KRT27: variants seen among roughly 807,000 people sequenced by gnomAD.
KRT27 encodes keratin, type I cytoskeletal 27.
In KRT27, 30 loss-of-function variants were observed where a neutral mutation model predicts 45.3. That is an observed-to-expected ratio of 0.66 (90% CI 0.50 to 0.90). The LOEUF (loss-of-function observed/expected upper bound fraction) is 0.90. Among genes scored for constraint, KRT27 ranks in the 40% least tolerant of loss-of-function variants. The probability of loss-of-function intolerance (pLI) is 0.00; values close to 1 mark genes in which losing one functional copy is unlikely to be tolerated. For synonymous variants in KRT27, 204 were observed against 223.9 expected (o/e 0.91, Z 0.79); for missense variants, 610 against 564.3 (o/e 1.08, Z -0.82).
At chr17:40,782,024 A>G in intron 1 of KRT27, 26 bp downstream of exon 1, 1 of 1,586,576 alleles carries the variant, frequency 6.3e-7, no homozygotes, top group East Asian at 2.2e-5. Context: ...CAGGAGTGCT[A>G]ACACTCACGC....
At position 40,782,100 on chromosome 17, in the gene KRT27, C is replaced by T. The variant is rs747090983; in HGVS notation, c.394G>A (p.Asp132Asn). 1.2e-6 allele frequency: 2 copies of T among 1,613,920 alleles called. No homozygotes were observed. Among genetic ancestry groups the T allele is most frequent in the South Asian group, 2.2e-5 (2 of 91,076 alleles). ...KFGPGSCRGL[D>N]HDYSRYFPII... is the part of the protein sequence containing the mutation. ...GGGAAATATCTGCTGTAATCATGAT[C>T]AAGGCCACGGCAAGAACCAGGTCCA... is the stretch of plus-strand genomic sequence containing the variant. The change falls in exon 1 of 8, where the codon GAT becomes AAT. Residue 132 changes from aspartate to asparagine, a missense_variant. Coordinates refer to ENST00000301656, the MANE Select transcript of KRT27 (RefSeq NM_181537.4).
In KRT27 at chr17:40,782,280, A is replaced by G; in HGVS notation, c.214T>C (p.Phe72Leu). 2.5e-6 allele frequency: 4 copies of G among 1,614,172 alleles called. No homozygotes were observed. Among genetic ancestry groups the G allele is most frequent in the Non-Finnish European group, 3.4e-6 (4 of 1,180,006 alleles). Reference protein sequence around the residue: ...LGGGSASCAAFTGNEHGLLSG... With the variant: ...LGGGSASCAALTGNEHGLLSG... The stretch of plus-strand genomic sequence containing the variant: ...AGGAGGCCGTGCTCATTCCCTGTGA[A>G]GGCAGCACAGGAAGCACTTCCCCCG... The change falls in exon 1 of 8, where the codon TTC (phenylalanine) becomes CTC (leucine). Residue 72 changes from phenylalanine (F) to leucine (L), a missense_variant. Transcript: ENST00000301656.
At position 40,780,441 on chromosome 17, in the gene KRT27, T is replaced by C. The variant is rs760544537; in HGVS notation, c.543A>G (p.Leu181=). The stretch of plus-strand genomic sequence containing the variant: ...CCGCCTCCACGCTCTGGTGAAGCGC[T>C]AGCTCGTTTTCAAACCTTAGAAAAG... The part of the protein sequence containing the change: ...DDFRLKFENE[L]ALHQSVEADI... The change falls in exon 3 of 8, where the codon CTA becomes CTG. Residue 181 remains leucine (L), a synonymous_variant. Coordinates refer to ENST00000301656, the MANE Select transcript of KRT27 (RefSeq NM_181537.4). 8 of 1,613,338 alleles carry C rather than the reference T, an allele frequency of 5.0e-6. No homozygotes were observed. In the East Asian group the frequency reaches 1.8e-4, roughly 36 times the overall value.
In KRT27 at chr17:40,779,917, T is replaced by G. The variant is rs554745802; in HGVS notation, c.685-56A>C. On this transcript the variant is annotated intron_variant, in intron 3 of 7. Transcript: ENST00000301656. Reference sequence around the variant, plus strand: ...TCTGAATATTTTATTTATTGCACTTTTTGAGTTAGGGTCTCGCTCTGATGC... The same window carrying G: ...TCTGAATATTTTATTTATTGCACTTGTTGAGTTAGGGTCTCGCTCTGATGC... 3.9e-6 allele frequency: 6 copies of G among 1,551,800 alleles called. No homozygotes were observed. The East Asian group carries it at 9.0e-5, about 23-fold the overall frequency.
At chr17:40,780,092 G>T (rs532059087) in intron 3 of KRT27, among the ~76,000 whole-genome samples, 69 of 152,246 alleles carry the variant, frequency 4.5e-4, no homozygotes, top group Admixed American at 1.4e-3. Flanking sequence ...GAGTCAGATG[G>T]ACAAGATCTA....
At chr17:40,781,960 C>A in intron 1 of KRT27, 90 bp downstream of exon 1, 5 of 1,110,992 alleles carry the variant, frequency 4.5e-6, no homozygotes, top group Non-Finnish European at 6.3e-6. Context: ...AGGGCAAAGC[C>A]CTGTTATTGT....
chr17:40,777,456 T>G (rs1451825081), intron 6 of KRT27, 59 bp downstream of exon 6: 4 of 1,589,556 alleles, frequency 2.5e-6, no homozygotes, highest in African/African-American at 1.3e-5. Flanking sequence ...GTACTTGATT[T>G]CAAATCATCT....
chr17:40,782,423 G>T lies in KRT27; in HGVS notation c.71C>A (p.Ser24Tyr). The T allele has an allele frequency of 6.2e-7, 1 of 1,612,118 alleles. No homozygotes were observed. Among genetic ancestry groups the T allele is most frequent in the Non-Finnish European group, 8.5e-7 (1 of 1,179,070 alleles). The change falls in exon 1 of 8, where the codon TCT becomes TAT. Residue 24 changes from serine to tyrosine, a missense_variant. Ser to Tyr is a moderately radical substitution (Grantham distance 144, BLOSUM62 -2). Transcript: ENST00000301656. ...AGCCCCAAAGCCTGCTCCCCCACTA[G>T]AGAGCCTCACAGAGCCAGTGCCCCC... is the stretch of plus-strand genomic sequence containing the variant. ...SCGGTGSVRL[S>Y]SGGAGFGAGN...
rs781524375 is a variant in KRT27 at position 40,777,305 on chromosome 17, G to T, written c.1191-3C>A. Reference sequence around the variant, plus strand: ...AGCCTTTTGATTTAGAACAGGAGCTGTAAAAGTATAGAGCGCTTATATTAA... The same window carrying T: ...AGCCTTTTGATTTAGAACAGGAGCTTTAAAAGTATAGAGCGCTTATATTAA... On this transcript the variant is annotated splice_region_variant and splice_polypyrimidine_tract_variant and intron_variant, in intron 6 of 7. Coordinates refer to ENST00000301656, the MANE Select transcript of KRT27 (RefSeq NM_181537.4). 2 of 1,610,720 alleles carry T rather than the reference G, an allele frequency of 1.2e-6. No individual in the cohort carries two copies. Among genetic ancestry groups the T allele is most frequent in the Non-Finnish European group, 1.7e-6 (2 of 1,179,056 alleles).
rs749687805 is a variant in KRT27 at position 40,777,567 on chromosome 17, G to A, written c.1138C>T (p.His380Tyr). 1 of 1,613,914 alleles carries A rather than the reference G, an allele frequency of 6.2e-7. No homozygotes were observed. Among genetic ancestry groups the A allele is most frequent in the East Asian group, 2.2e-5 (1 of 44,874 alleles). ...TAGGTCTCAATTTCTTTTTCCAGGTGGACCTTGATGTCAAGGAGCTGCTCA... is the reference window on the plus strand; with the variant it reads ...TAGGTCTCAATTTCTTTTTCCAGGTAGACCTTGATGTCAAGGAGCTGCTCA... ...EYEQLLDIKV[H>Y]LEKEIETYCL... is the part of the protein sequence containing the mutation. The change falls in exon 6 of 8, where the codon CAC (histidine) becomes TAC (tyrosine). Residue 380 changes from histidine to tyrosine, a missense_variant. Transcript: ENST00000301656.
rs746156763 is a variant in KRT27 at position 40,777,538 on chromosome 17, G to A, written c.1167C>T (p.Cys389=). ...VHLEKEIETY[C]LLIDGEDGSC... Reference sequence around the variant, plus strand: ...ACCCATCTTCTCCATCTATCAGGAGGCAGTAGGTCTCAATTTCTTTTTCCA... The same window carrying A: ...ACCCATCTTCTCCATCTATCAGGAGACAGTAGGTCTCAATTTCTTTTTCCA... The change falls in exon 6 of 8, where the codon TGC becomes TGT. Residue 389 remains cysteine (C), a synonymous_variant. Coordinates refer to ENST00000301656, the MANE Select transcript of KRT27 (RefSeq NM_181537.4). 1.9e-6 allele frequency: 3 copies of A among 1,613,916 alleles called. No homozygotes were observed. The South Asian group carries it at 3.3e-5, about 18-fold the overall frequency.
Position 40,777,144 on chromosome 17 carries a change from A to G in KRT27, c.1241-6T>C, listed in dbSNP as rs2038272944. On this transcript the variant is annotated splice_region_variant and splice_polypyrimidine_tract_variant and intron_variant, in intron 7 of 7. Coordinates refer to ENST00000301656, the MANE Select transcript of KRT27 (RefSeq NM_181537.4). ...AATGGTGGTTTTAGATGAATCTAAA[A>G]TGCCACATATAAACTGTTTAGAATT... 2 of 1,613,240 alleles carry G rather than the reference A, an allele frequency of 1.2e-6. No homozygotes were observed. The highest frequency in any genetic ancestry group is 2.7e-5 in the African/African-American group (2 of 75,040).
In KRT27 at chr17:40,777,317, A is replaced by G. The variant is rs775958319; in HGVS notation, c.1191-15T>C. The G allele has an allele frequency of 1.9e-6, 3 of 1,603,150 alleles. No homozygotes were observed. Among genetic ancestry groups the G allele is most frequent in the Non-Finnish European group, 2.5e-6 (3 of 1,176,840 alleles). Reference sequence around the variant, plus strand: ...TAGAACAGGAGCTGTAAAAGTATAGAGCGCTTATATTAATTATTCTGTTTT... The same window carrying G: ...TAGAACAGGAGCTGTAAAAGTATAGGGCGCTTATATTAATTATTCTGTTTT... On this transcript the variant is annotated splice_polypyrimidine_tract_variant and intron_variant, in intron 6 of 7. Coordinates refer to ENST00000301656, the MANE Select transcript of KRT27 (RefSeq NM_181537.4).
intron 5 of KRT27, 125 bp from the exon 6 acceptor site, chr17:40,777,857 A>G: frequency 1.0e-6 from 1 of 963,808 alleles, no homozygotes; most frequent in Non-Finnish European, 1.5e-6. Flanking sequence ...TACCCAAAAG[A>G]TTCCACTTCT....
chr17:40,779,452 A>T (rs757184489), intron 5 of KRT27, 50 bp downstream of exon 5: 1 of 1,563,920 alleles, frequency 6.4e-7, no homozygotes, highest in Non-Finnish European at 8.7e-7. Flanking sequence ...CTCTTCGATT[A>T]TTTTTTTCTC....
Position 40,777,152 on chromosome 17 carries a change from T to C in KRT27, c.1241-14A>G. The C allele has an allele frequency of 1.2e-6, 2 of 1,612,930 alleles. No homozygotes were observed. The highest frequency in any genetic ancestry group is 1.6e-4 in the Middle Eastern group (1 of 6,062). On this transcript the variant is annotated splice_polypyrimidine_tract_variant and intron_variant, in intron 7 of 7. Transcript: ENST00000301656. ...TTTTAGATGAATCTAAAATGCCACA[T>C]ATAAACTGTTTAGAATTTATCAAAT...
In KRT27 at chr17:40,781,186, A is replaced by G. The variant is rs767525270; in HGVS notation, c.527+2T>C. ...TTCCCATTTATCTTCAGCTCTACTT[A>G]CTTTAGTCTGAAGTCATCAGCTGTT... is the stretch of plus-strand genomic sequence containing the variant. On this transcript the variant is annotated splice_donor_variant, in intron 2 of 7. Transcript: ENST00000301656. LOFTEE classifies it high-confidence loss of function. 5.0e-6 allele frequency: 8 copies of G among 1,598,012 alleles called. No homozygotes were observed. The highest frequency in any genetic ancestry group is 6.8e-6 in the Non-Finnish European group (8 of 1,169,668).
intron 1 of KRT27, 118 bp downstream of exon 1, chr17:40,781,929 ACTC>A (rs1220750162): frequency 1.1e-5 from 8 of 724,940 alleles, no homozygotes; most frequent in African/African-American, 1.8e-5. Context: ...TTGAAAATGA[ACTC>A]CTAAAATTTA....
intron 1 of KRT27, among the ~76,000 whole-genome samples, 196 bp downstream of exon 1, chr17:40,781,854 C>T (rs1305596635): frequency 6.6e-6 from 1 of 152,004 alleles, no homozygotes; most frequent in Non-Finnish European, 1.5e-5. Context: ...AAAGCATATA[C>T]CTAATACTAC....
Sources: gnomAD v4.1 joint callset for allele counts (sites outside exome capture counted in the v4.1 genomes callset) on GRCh38, gnomAD v4.1.1 for gene constraint, MANE v1.5 for transcripts, NCBI Gene and HGNC (gene_info 2026-07-23, HGNC 2026-07-21) for gene names.